Variants in DNM3 observed in about 807,000 individuals in gnomAD.
The protein encoded by DNM3 is dynamin 3.
DNM3 carries 47 observed loss-of-function variants against 101.6 expected under a neutral mutation model. The ratio of observed to expected loss-of-function variants is 0.46; its 90% CI spans 0.37 to 0.59. The LOEUF is 0.59. DNM3 is among the 20% of genes least tolerant of loss of function. The pLI, the probability that DNM3 is intolerant of heterozygous loss-of-function variation, is 0.00. For synonymous variants in DNM3, 385 were observed against 387.9 expected (o/e 0.99, Z 0.09); for missense variants, 849 against 1,085.7 (o/e 0.78, Z 3.06).
intron 14 of DNM3, among the ~76,000 whole-genome samples, chr1:172,248,535 A>G (rs1406156377): frequency 3.9e-5 from 6 of 152,100 alleles, no homozygotes; most frequent in Admixed American, 3.9e-4. Flanking sequence ...AAAATTTGAG[A>G]GTTATAGAAG....
intron 14 of DNM3, among the ~76,000 whole-genome samples, chr1:172,221,556 T>A (rs1457520409): frequency 6.6e-6 from 1 of 152,172 alleles, no homozygotes; most frequent in Non-Finnish European, 1.5e-5. Context: ...AATTCCTACA[T>A]TTTTATCCAT....
chr1:172,339,181 C>T, intron 17 of DNM3: 1 of 337,156 alleles, frequency 3.0e-6, no homozygotes, highest in Non-Finnish European at 5.8e-6. Flanking sequence ...GATTATTTTA[C>T]AGTCTACCTC....
At chr1:172,004,517 A>ATG (rs944687286) in intron 4 of DNM3, among the ~76,000 whole-genome samples, 2 of 151,816 alleles carry the variant, frequency 1.3e-5, no homozygotes, top group Admixed American at 6.6e-5. Context: ...CCTTCAAAAA[A>ATG]TGTGTGTGTG....
chr1:172,394,243 C>G (rs1015950030), intron 20 of DNM3: 2 of 152,228 alleles, frequency 1.3e-5, no homozygotes, highest in Non-Finnish European at 2.9e-5. Flanking sequence ...ACATCTCCAT[C>G]CTGCCACGGT....
intron 20 of DNM3, among the ~76,000 whole-genome samples, chr1:172,398,277 T>G (rs1282906156): frequency 6.6e-6 from 1 of 152,222 alleles, no homozygotes; most frequent in African/African-American, 2.4e-5. Context: ...CTACGCCCAA[T>G]TATACAGAAC....
intron 18 of DNM3, among the ~76,000 whole-genome samples, chr1:172,384,563 T>G (rs796119312): frequency 4.5e-4 from 68 of 152,356 alleles, no homozygotes; most frequent in African/African-American, 1.6e-3. Flanking sequence ...GCCTATGCTC[T>G]GAATCCACTG....
intron 14 of DNM3, among the ~76,000 whole-genome samples, chr1:172,169,734 T>C (rs988640134): frequency 6.6e-6 from 1 of 151,948 alleles, no homozygotes; most frequent in Non-Finnish European, 1.5e-5. Flanking sequence ...TTTGTAGGCA[T>C]GAACATAGGT....
chr1:172,072,954 G>A (rs890844709), intron 11 of DNM3, among the ~76,000 whole-genome samples: 5 of 152,034 alleles, frequency 3.3e-5, no homozygotes, highest in African/African-American at 7.3e-5. Flanking sequence ...AAATAAGGCC[G>A]CAAATGTTTA....
At chr1:171,976,673 T>A (rs2044397579) in intron 2 of DNM3, among the ~76,000 whole-genome samples, 1 of 152,210 alleles carries the variant, frequency 6.6e-6, no homozygotes, top group Admixed American at 6.5e-5. Flanking sequence ...AAGATCTCCT[T>A]CAAATATTTA....
At chr1:172,271,348 T>C (rs2063076715) in intron 15 of DNM3, among the ~76,000 whole-genome samples, 1 of 152,186 alleles carries the variant, frequency 6.6e-6, no homozygotes, top group Admixed American at 6.6e-5. Flanking sequence ...AAATATTCAT[T>C]TATTTAAAAC....
chr1:171,875,019 A>G (rs1481603243), intron 1 of DNM3, among the ~76,000 whole-genome samples: 1 of 152,100 alleles, frequency 6.6e-6, no homozygotes, highest in Admixed American at 6.5e-5. Flanking sequence ...TTATGGCTGC[A>G]TAGTATTCCA....
At chr1:172,013,822 T>C (rs1354764559) in intron 4 of DNM3, among the ~76,000 whole-genome samples, 2 of 152,122 alleles carry the variant, frequency 1.3e-5, no homozygotes, top group Non-Finnish European at 2.9e-5. Flanking sequence ...GTTGAAGATA[T>C]TGTTGAGAAA....
intron 14 of DNM3, among the ~76,000 whole-genome samples, chr1:172,236,028 G>C (rs1322060124): frequency 2.6e-5 from 4 of 151,992 alleles, no homozygotes; most frequent in Non-Finnish European, 5.9e-5. Flanking sequence ...TTAGCTATTG[G>C]GGCCATACAG....
intron 1 of DNM3, among the ~76,000 whole-genome samples, chr1:171,862,803 G>A (rs2034315837): frequency 6.6e-6 from 1 of 152,006 alleles, no homozygotes; most frequent in Admixed American, 6.6e-5. Flanking sequence ...TATGAAAGAA[G>A]GAAAAGAGAA....
Position 171,976,650 on chromosome 1 carries a change from C to G in DNM3, c.236-11006C>G, listed in dbSNP as rs180866261. Reference sequence around the variant, plus strand: ...TATCATTGACATTTAAGGAGCTTACCAAAAACACACTAAAGATCTCCTTCA... The same window carrying G: ...TATCATTGACATTTAAGGAGCTTACGAAAAACACACTAAAGATCTCCTTCA... On this transcript the variant is annotated intron_variant, in intron 2 of 20. Coordinates refer to ENST00000627582, the MANE Select transcript of DNM3 (RefSeq NM_015569.5). Among the ~76,000 whole-genome samples, 17 of 152,202 alleles carry G rather than the reference C, an allele frequency of 1.1e-4. No individual in the cohort carries two copies. In the East Asian group the frequency reaches 3.3e-3, roughly 29 times the overall value.
chr1:172,195,458 T>C (rs2059912389), intron 14 of DNM3, among the ~76,000 whole-genome samples: 1 of 151,908 alleles, frequency 6.6e-6, no homozygotes, highest in Non-Finnish European at 1.5e-5. Flanking sequence ...TCCAATATGA[T>C]ATTGAATGGG....
intron 15 of DNM3, among the ~76,000 whole-genome samples, chr1:172,294,038 A>T (rs917121717): frequency 1.3e-5 from 2 of 152,204 alleles, no homozygotes; most frequent in Non-Finnish European, 2.9e-5. Flanking sequence ...CATACTGTGC[A>T]GTGGGAAGAC....
At chr1:172,082,604 A>T (rs2147746918) in intron 12 of DNM3, among the ~76,000 whole-genome samples, 1 of 152,306 alleles carries the variant, frequency 6.6e-6, no homozygotes, top group Middle Eastern at 3.4e-3. Flanking sequence ...TCCAACTTCA[A>T]GTATATAAAA....
intron 15 of DNM3, among the ~76,000 whole-genome samples, chr1:172,289,052 A>G (rs1231084215): frequency 6.6e-6 from 1 of 152,102 alleles, no homozygotes; most frequent in Non-Finnish European, 1.5e-5. Flanking sequence ...CGATATATTG[A>G]AAAGTTTGTT....
Sources: gnomAD v4.1 joint callset for allele counts (sites outside exome capture counted in the v4.1 genomes callset) on GRCh38, gnomAD v4.1.1 for gene constraint, MANE v1.5 for transcripts, NCBI Gene and HGNC (gene_info 2026-07-23, HGNC 2026-07-21) for gene names.